Variants in ALG5 observed in about 807,000 individuals in gnomAD.
ALG5 encodes the protein dolichyl-phosphate beta-glucosyltransferase.
In ALG5, 26 loss-of-function variants were observed where a neutral mutation model predicts 51.8. The ratio of observed to expected loss-of-function variants is 0.50; its 90% confidence interval spans 0.37 to 0.70. The LOEUF (loss-of-function observed/expected upper bound fraction) is 0.70. ALG5 is among the 30% of genes least tolerant of loss of function. The probability of loss-of-function intolerance (pLI) is 0.00; values close to 1 mark genes in which losing one functional copy is unlikely to be tolerated. For missense variants in ALG5, 311 were observed against 399.3 expected, an observed-to-expected ratio of 0.78 and a Z score of 1.88; for synonymous variants, 141 against 136.1, an observed-to-expected ratio of 1.04 and a Z score of -0.25.
At chr13:36,987,880 A>G (rs181757988) in intron 5 of ALG5, among the ~76,000 whole-genome samples, 32 of 152,290 alleles carry the variant, frequency 2.1e-4, no homozygotes, top group Non-Finnish European at 2.8e-4. Flanking sequence ...CTGGCTGATT[A>G]AAGTGTCACT....
At chr13:36,992,765 C>T (rs183156016) in intron 4 of ALG5, among the ~76,000 whole-genome samples, 4 of 152,330 alleles carry the variant, frequency 2.6e-5, no homozygotes, top group Non-Finnish European at 5.9e-5. Flanking sequence ...TTTCCTCACA[C>T]CCCTCAGACT....
intron 6 of ALG5, among the ~76,000 whole-genome samples, chr13:36,975,080 A>T (rs1309879801): frequency 6.6e-6 from 1 of 152,152 alleles, no homozygotes; most frequent in South Asian, 2.1e-4. Context: ...GCGTGGTGGC[A>T]TGCGCCTGTA....
chr13:36,970,466 G>A (rs2058917093), intron 7 of ALG5, among the ~76,000 whole-genome samples: 1 of 152,106 alleles, frequency 6.6e-6, no homozygotes. Context: ...TGGGTGTGGT[G>A]GCGCACGCCT....
chr13:36,986,665 C>G (rs75462346), intron 5 of ALG5, among the ~76,000 whole-genome samples: 3,288 of 152,228 alleles, frequency 0.022, 117 homozygotes, highest in African/African-American at 0.074. Flanking sequence ...CTCACACCTA[C>G]TACAATCCTA....
chr13:36,978,034 G>A lies in ALG5; in HGVS notation c.562-5998C>T, dbSNP rs1245326625. 2.0e-5 allele frequency among the ~76,000 whole-genome samples: 3 copies of A among 150,736 alleles called. No individual in the cohort carries two copies. The East Asian group carries it at 6.0e-4, about 30-fold the overall frequency. ...CCCGAGTAGCTGCGATTACAGGCAC[G>A]TGGCACCATGCCCGGCTAATTTTTT... On this transcript the variant is annotated intron_variant, in intron 6 of 9. Transcript: ENST00000239891.
chr13:36,996,014 C>T lies in ALG5; in HGVS notation c.67-418G>A, dbSNP rs148022400. 4.7e-3 allele frequency among the ~76,000 whole-genome samples: 716 copies of T among 152,268 alleles called. 3 individuals carry two copies. Among genetic ancestry groups the T allele is most frequent in the Non-Finnish European group, 7.4e-3 (502 of 68,022 alleles). ...ATCGCTACTTGGAATCTATATGTGA[C>T]AGGACAAGTCCATTTTGCAGTTGGA... On this transcript the variant is annotated intron_variant, in intron 1 of 9. Transcript: ENST00000239891.
intron 4 of ALG5, 147 bp from the exon 5 acceptor site, chr13:36,989,723 T>C (rs925802051): frequency 8.3e-6 from 5 of 598,854 alleles, no homozygotes; most frequent in Non-Finnish European, 1.4e-5. Flanking sequence ...TCTGATGACC[T>C]GGAGGAGCTG....
intron 8 of ALG5, among the ~76,000 whole-genome samples, chr13:36,960,770 T>C (rs1184888617): frequency 1.3e-5 from 2 of 151,534 alleles, no homozygotes; most frequent in Admixed American, 6.6e-5. Context: ...GTGCCCTGAG[T>C]AGCTAGGATT....
chr13:36,950,938 C>G (rs563664392), intron 9 of ALG5, among the ~76,000 whole-genome samples: 2 of 152,220 alleles, frequency 1.3e-5, no homozygotes, highest in South Asian at 2.1e-4. Flanking sequence ...GATAAAGTAT[C>G]AGGAGGAAGG....
chr13:36,955,428 G>GAGGT (rs1225131258), intron 8 of ALG5, among the ~76,000 whole-genome samples: 1 of 152,070 alleles, frequency 6.6e-6, no homozygotes, highest in Admixed American at 6.6e-5. Flanking sequence ...AAGATATTCA[G>GAGGT]AGGTAGTGGA....
intron 6 of ALG5, among the ~76,000 whole-genome samples, chr13:36,978,388 C>T (rs1378853409): frequency 1.3e-5 from 2 of 151,660 alleles, no homozygotes; most frequent in Admixed American, 1.3e-4. Flanking sequence ...GGTTCTGCCA[C>T]GTTGGCCAGG....
intron 9 of ALG5, among the ~76,000 whole-genome samples, chr13:36,951,067 ATTATCG>A (rs1244313368): frequency 6.6e-6 from 1 of 152,236 alleles, no homozygotes; most frequent in African/African-American, 2.4e-5. Flanking sequence ...CTGTAGAGAC[ATTATCG>A]TTTATCAGGG....
rs1463447363 is a variant in ALG5 at position 36,972,032 on chromosome 13, T to G, written c.566A>C (p.Gln189Pro). Residue 189 changes from glutamine (Q) to proline (P), a missense_variant, in exon 7 of 10, where the codon CAA becomes CCA. Gln to Pro is a moderately conservative substitution (Grantham distance 76). Coordinates refer to ENST00000239891, the MANE Select transcript of ALG5 (RefSeq NM_013338.5). ...GLNDLQPWPN[Q>P]MAIACGSRAH... Reference sequence around the variant, plus strand: ...TCGAGATCCACATGCTATAGCCATTTGATTCTGAGGGAAAAAGCAGAGATA... The same window carrying G: ...TCGAGATCCACATGCTATAGCCATTGGATTCTGAGGGAAAAAGCAGAGATA... 1 of 1,593,754 alleles carries G rather than the reference T, an allele frequency of 6.3e-7. No individual in the cohort carries two copies. The highest frequency in any genetic ancestry group is 1.2e-5 in the South Asian group (1 of 85,860).
chr13:36,980,888 C>T (rs770918140), intron 6 of ALG5, among the ~76,000 whole-genome samples: 2 of 152,000 alleles, frequency 1.3e-5, no homozygotes, highest in Non-Finnish European at 2.9e-5. Context: ...GCACGAGAAT[C>T]GCTTAAGCCC....
chr13:36,975,259 ATTTCT>A (rs1211090890), intron 6 of ALG5, among the ~76,000 whole-genome samples: 1 of 152,158 alleles, frequency 6.6e-6, no homozygotes, highest in Admixed American at 6.5e-5. Flanking sequence ...ATCAGTTGGT[ATTTCT>A]TTTATCTGTG....
intron 6 of ALG5, among the ~76,000 whole-genome samples, chr13:36,977,529 T>C (rs2058957544): frequency 6.6e-6 from 1 of 151,906 alleles, no homozygotes; most frequent in African/African-American, 2.4e-5. Flanking sequence ...CAGTGGCTCA[T>C]GCCTATACTC....
At chr13:36,978,103 G>A (rs1593674767) in intron 6 of ALG5, among the ~76,000 whole-genome samples, 1 of 150,628 alleles carries the variant, frequency 6.6e-6, no homozygotes. Flanking sequence ...AGCCAGGATG[G>A]TCTCCATCTC....
chr13:36,997,548 A>G (rs1359218895), intron 1 of ALG5, among the ~76,000 whole-genome samples: 2 of 152,040 alleles, frequency 1.3e-5, no homozygotes, highest in African/African-American at 4.8e-5. Context: ...GACTCAAGAC[A>G]TCAACAGAGT....
At chr13:36,981,964 G>A (rs1411530854) in intron 6 of ALG5, among the ~76,000 whole-genome samples, 4 of 152,108 alleles carry the variant, frequency 2.6e-5, no homozygotes, top group African/African-American at 4.8e-5. Flanking sequence ...GGTGGCAGGC[G>A]CCTGTAGTCC....
Sources: allele counts gnomAD v4.1 joint callset (sites outside exome capture counted in the v4.1 genomes callset), GRCh38; gene constraint gnomAD v4.1.1; transcripts MANE v1.5; gene names NCBI Gene and HGNC (gene_info 2026-07-23, HGNC 2026-07-21).